ELAPOR2: variants seen among roughly 807,000 people sequenced by gnomAD.
The protein encoded by ELAPOR2 is endosome/lysosome-associated apoptosis and autophagy regulator family member 2.
A neutral mutation model predicts 120.7 loss-of-function variants in ELAPOR2; 89 were observed. The ratio of observed to expected loss-of-function variants is 0.74; its 90% CI spans 0.62 to 0.88. The LOEUF is 0.88. ELAPOR2 is among the 40% of genes least tolerant of loss of function. The probability of loss-of-function intolerance (pLI) is 0.00; values close to 1 mark genes in which losing one functional copy is unlikely to be tolerated. For missense variants in ELAPOR2, 1,134 were observed against 1,251.6 expected (o/e 0.91, Z 1.42); for synonymous variants, 444 against 444.9 (o/e 1.00, Z 0.03).
intron 1 of ELAPOR2, among the ~76,000 whole-genome samples, chr7:87,027,713 TG>T (rs1794290146): frequency 6.6e-6 from 1 of 152,128 alleles, no homozygotes; most frequent in Non-Finnish European, 1.5e-5. Flanking sequence ...GAGAGAAGCC[TG>T]GAACAGATCC....
Position 87,040,221 on chromosome 7 carries a change from C to A in ELAPOR2, c.189+19104G>T, listed in dbSNP as rs893122109. On this transcript the variant is annotated intron_variant, in intron 1 of 21. Coordinates refer to ENST00000450689, the MANE Select transcript of ELAPOR2 (RefSeq NM_001142749.3). ...AGGCGCCCGCCATTGCCCAGGCTTG[C>A]TTAGGTAAACAAAGCAGCCGGAAAG... Among the ~76,000 whole-genome samples the A allele has an allele frequency of 4.5e-4, 69 of 152,360 alleles. 1 individual carries two copies. The highest frequency in any genetic ancestry group is 3.9e-3 in the South Asian group (19 of 4,828).
intron 1 of ELAPOR2, among the ~76,000 whole-genome samples, chr7:87,038,233 G>T (rs979914076): frequency 2.0e-5 from 3 of 151,998 alleles, no homozygotes; most frequent in Non-Finnish European, 4.4e-5. Context: ...GATTTAATAA[G>T]GTATTATGTA....
intron 2 of ELAPOR2, among the ~76,000 whole-genome samples, chr7:86,953,430 G>A (rs1791348169): frequency 6.6e-6 from 1 of 152,112 alleles, no homozygotes; most frequent in Non-Finnish European, 1.5e-5. Context: ...TTCCTTTGAT[G>A]GCCACCAAAA....
intron 1 of ELAPOR2, among the ~76,000 whole-genome samples, chr7:87,054,816 A>T (rs1334702945): frequency 2.0e-5 from 3 of 152,190 alleles, no homozygotes; most frequent in Non-Finnish European, 2.9e-5. Flanking sequence ...CAGTGACCTA[A>T]TCACAGAATT....
intron 8 of ELAPOR2, among the ~76,000 whole-genome samples, chr7:86,937,578 T>C (rs1790618213): frequency 6.6e-6 from 1 of 152,094 alleles, no homozygotes; most frequent in Non-Finnish European, 1.5e-5. Flanking sequence ...CTTACTTGCA[T>C]TTTCTCAATG....
intron 1 of ELAPOR2, among the ~76,000 whole-genome samples, chr7:87,013,094 T>A (rs11983715): frequency 6.6e-6 from 1 of 152,128 alleles, no homozygotes; most frequent in Non-Finnish European, 1.5e-5. Context: ...CAGACCTCAG[T>A]CTCCAATCTT....
At chr7:87,037,600 G>C (rs905357795) in intron 1 of ELAPOR2, among the ~76,000 whole-genome samples, 1 of 152,096 alleles carries the variant, frequency 6.6e-6, no homozygotes, top group African/African-American at 2.4e-5. Context: ...TCTCCTAACT[G>C]ATCTTCCTGC....
intron 18 of ELAPOR2, among the ~76,000 whole-genome samples, chr7:86,898,880 C>G (rs1215192886): frequency 3.3e-5 from 5 of 152,072 alleles, no homozygotes; most frequent in Admixed American, 2.0e-4. Context: ...GAATAGAATG[C>G]TGCACAGGAC....
intron 1 of ELAPOR2, among the ~76,000 whole-genome samples, chr7:86,985,578 AT>A (rs1165601382): frequency 7.9e-5 from 12 of 152,318 alleles, no homozygotes; most frequent in African/African-American, 2.6e-4. Context: ...AAACAGAACC[AT>A]CGACAAAAAC....
intron 21 of ELAPOR2, among the ~76,000 whole-genome samples, chr7:86,884,552 A>G (rs1799597870): frequency 6.6e-6 from 1 of 152,126 alleles, no homozygotes; most frequent in Non-Finnish European, 1.5e-5. Context: ...TGACTGCAGG[A>G]TTTAAGTATG....
intron 1 of ELAPOR2, among the ~76,000 whole-genome samples, chr7:87,012,146 T>TCA (rs764540318): frequency 1.3e-5 from 2 of 152,182 alleles, no homozygotes; most frequent in Non-Finnish European, 2.9e-5. Flanking sequence ...GCGTGGTGGC[T>TCA]CACACCTGTA....
At chr7:87,015,665 G>A (rs1433170287) in intron 1 of ELAPOR2, among the ~76,000 whole-genome samples, 1 of 152,056 alleles carries the variant, frequency 6.6e-6, no homozygotes, top group Non-Finnish European at 1.5e-5. Flanking sequence ...GCGGGCACCT[G>A]TAGTCCCAGC....
chr7:86,924,275 A>G (rs891947243), intron 10 of ELAPOR2, among the ~76,000 whole-genome samples: 6 of 151,972 alleles, frequency 3.9e-5, no homozygotes, highest in Admixed American at 6.6e-5. Context: ...GTAAATGAGT[A>G]AGCAAGTGGG....
intron 1 of ELAPOR2, among the ~76,000 whole-genome samples, chr7:87,022,900 T>A (rs1293233015): frequency 6.6e-6 from 1 of 152,068 alleles, no homozygotes; most frequent in Non-Finnish European, 1.5e-5. Context: ...TCTGTTCATA[T>A]CCTTTGCCCA....
At chr7:86,933,802 T>G (rs1790442566) in intron 8 of ELAPOR2, among the ~76,000 whole-genome samples, 1 of 151,990 alleles carries the variant, frequency 6.6e-6, no homozygotes, top group African/African-American at 2.4e-5. Flanking sequence ...AAAGCTTGCA[T>G]TGCTTGACAT....
chr7:86,937,615 G>C (rs1014072649), intron 8 of ELAPOR2, among the ~76,000 whole-genome samples: 5 of 152,002 alleles, frequency 3.3e-5, no homozygotes, highest in Non-Finnish European at 7.4e-5. Context: ...TGCCATAACC[G>C]AATAGCCCAT....
intron 8 of ELAPOR2, among the ~76,000 whole-genome samples, chr7:86,929,133 GA>G (rs113831082): frequency 6.7e-6 from 1 of 149,842 alleles, no homozygotes; most frequent in Non-Finnish European, 1.5e-5. Context: ...TATACAGCAT[GA>G]AAAAAAAACC....
chr7:86,958,539 G>A (rs1187213925), intron 2 of ELAPOR2, among the ~76,000 whole-genome samples: 2 of 152,196 alleles, frequency 1.3e-5, no homozygotes, highest in African/African-American at 2.4e-5. Context: ...GTAGGACAGA[G>A]AGCAGCCGGC....
At chr7:86,910,038 G>T in intron 15 of ELAPOR2, 37 bp from the exon 16 acceptor site, 1 of 1,496,934 alleles carries the variant, frequency 6.7e-7, no homozygotes. Flanking sequence ...GGTTTTATTG[G>T]ATGTCAATCT....
Sources: allele counts gnomAD v4.1 joint callset (sites outside exome capture counted in the v4.1 genomes callset), GRCh38; gene constraint gnomAD v4.1.1; transcripts MANE v1.5; gene names NCBI Gene and HGNC (gene_info 2026-07-23, HGNC 2026-07-21).